Variants in ANKHD1 observed in about 807,000 individuals in gnomAD.
ANKHD1 encodes the protein ankyrin repeat and KH domain-containing protein 1.
A neutral mutation model predicts 230.5 loss-of-function variants in ANKHD1; 31 were observed. That is an observed-to-expected ratio of 0.13 (90% CI 0.10 to 0.18). The LOEUF (loss-of-function observed/expected upper bound fraction) is 0.18. Among genes scored for constraint, ANKHD1 ranks in the 10% least tolerant of loss-of-function variants. The pLI is 1.00. For missense variants in ANKHD1, 2,256 were observed against 3,071.3 expected (o/e 0.73, Z 6.27); for synonymous variants, 1,074 against 1,117.6 (o/e 0.96, Z 0.78).
intron 24 of ANKHD1, among the ~76,000 whole-genome samples, chr5:140,521,230 A>T (rs1471070315): frequency 2.6e-5 from 4 of 152,234 alleles, no homozygotes; most frequent in African/African-American, 9.6e-5. Context: ...GTTTAAAAAA[A>T]CTTCGTAAGC....
At chr5:140,434,880 A>G (rs1241105702) in intron 1 of ANKHD1, among the ~76,000 whole-genome samples, 2 of 152,154 alleles carry the variant, frequency 1.3e-5, no homozygotes. Flanking sequence ...GGCTTTCAGA[A>G]AATTTTTTAG....
At chr5:140,533,000 A>G in intron 29 of ANKHD1, 1 of 212,232 alleles carries the variant, frequency 4.7e-6, no homozygotes, top group Non-Finnish European at 9.9e-6. Flanking sequence ...CAGTAGGCTG[A>G]GGCAGGTGAA....
At position 140,485,549 on chromosome 5, in the gene ANKHD1, A is replaced by G; in HGVS notation, c.1999-40A>G. On this transcript the variant is annotated intron_variant, in intron 12 of 33. Coordinates refer to ENST00000360839, the MANE Select transcript of ANKHD1 (RefSeq NM_017747.3). This position sits in a 1 kb window ranked among gnomAD's most constrained non-coding sequence, Gnocchi z 4.8. ...TTTTGATTTTATATGAGCTGCTAAG[A>G]AACTATAAAGAATTAATTATCATGG... 1 of 1,608,898 alleles carries G rather than the reference A, an allele frequency of 6.2e-7. No individual in the cohort carries two copies. The highest frequency in any genetic ancestry group is 1.3e-5 in the African/African-American group (1 of 74,592).
At chr5:140,419,989 C>T (rs1363760079) in intron 1 of ANKHD1, among the ~76,000 whole-genome samples, 3 of 49,378 alleles carry the variant, frequency 6.1e-5, no homozygotes, top group East Asian at 7.9e-4. Flanking sequence ...TCCTCCCCTC[C>T]GCTCCTCCTC....
intron 1 of ANKHD1, among the ~76,000 whole-genome samples, chr5:140,416,322 C>T (rs1771388096): frequency 6.6e-6 from 1 of 152,176 alleles, no homozygotes; most frequent in Non-Finnish European, 1.5e-5. Context: ...ATGGCTGGGT[C>T]AAATGGTATT....
At chr5:140,495,245 CCTA>C (rs1422428555) in intron 14 of ANKHD1, among the ~76,000 whole-genome samples, 1 of 136,168 alleles carries the variant, frequency 7.3e-6, no homozygotes, top group East Asian at 2.1e-4. Context: ...GCTGAATAGT[CCTA>C]CTTTTTTTTT....
intron 14 of ANKHD1, among the ~76,000 whole-genome samples, chr5:140,488,384 A>G (rs10067969): frequency 0.4 from 61,332 of 151,808 alleles, 13,171 homozygotes; most frequent in East Asian, 0.55. Flanking sequence ...CAGGAGTTCA[A>G]GACCAGCCTG....
intron 7 of ANKHD1, among the ~76,000 whole-genome samples, chr5:140,453,589 C>T (rs1774921691): frequency 6.6e-6 from 1 of 152,174 alleles, no homozygotes; most frequent in Non-Finnish European, 1.5e-5. Context: ...ATTTTCAACC[C>T]AGAATTTCAT....
chr5:140,422,284 G>A (rs1438239224), intron 1 of ANKHD1, among the ~76,000 whole-genome samples: 7 of 151,724 alleles, frequency 4.6e-5, no homozygotes, highest in Non-Finnish European at 8.8e-5. Flanking sequence ...CACCACGCCC[G>A]GCTAATTTTT....
At chr5:140,505,064 C>A in intron 16 of ANKHD1, 58 bp from the exon 17 acceptor site, 1 of 1,604,244 alleles carries the variant, frequency 6.2e-7, no homozygotes, top group Non-Finnish European at 8.5e-7. Context: ...ATATTATTTG[C>A]TCTTAAATTG....
rs181239358 is a variant in ANKHD1, at chr5:140,432,059, A to G, written c.307-4045A>G. ...CTTTCTAGCCTAATGCCATAGTTGT[A>G]TTCTAGATACCTTATATCTTTTAAA... On this transcript the variant is annotated intron_variant, in intron 1 of 33. Coordinates refer to ENST00000360839, the MANE Select transcript of ANKHD1 (RefSeq NM_017747.3). 3.8e-3 allele frequency among the ~76,000 whole-genome samples: 579 copies of G among 152,294 alleles called. 2 individuals carry two copies. The highest frequency in any genetic ancestry group is 6.9e-3 in the Admixed American group (106 of 15,292).
intron 1 of ANKHD1, among the ~76,000 whole-genome samples, chr5:140,429,762 GAT>G (rs1772881541): frequency 1.3e-5 from 2 of 152,112 alleles, no homozygotes; most frequent in Admixed American, 6.5e-5. Flanking sequence ...TGTAATATGA[GAT>G]ATTATTATTT....
intron 29 of ANKHD1, among the ~76,000 whole-genome samples, chr5:140,531,971 G>T (rs1753845683): frequency 6.6e-6 from 1 of 152,156 alleles, no homozygotes; most frequent in Non-Finnish European, 1.5e-5. Context: ...CACTTTGGGA[G>T]GCCGAGGTGG....
intron 10 of ANKHD1, among the ~76,000 whole-genome samples, chr5:140,473,514 C>T (rs1729689653): frequency 6.6e-6 from 1 of 151,840 alleles, no homozygotes; most frequent in Admixed American, 6.6e-5. Context: ...GCTCTTGGCT[C>T]ACTGCAGCCT....
chr5:140,513,066 T>C (rs114080184), intron 23 of ANKHD1, 143 bp downstream of exon 23: 30 of 781,684 alleles, frequency 3.8e-5, no homozygotes, highest in African/African-American at 1.4e-4. Context: ...ATTTGCAAAA[T>C]AGAGGGGTAT....
intron 24 of ANKHD1, 143 bp downstream of exon 24, chr5:140,513,622 A>G: frequency 1.4e-6 from 1 of 690,806 alleles, no homozygotes; most frequent in African/African-American, 1.8e-5. Flanking sequence ...CAGCCTTGCT[A>G]ACAAGGTGAA....
At chr5:140,465,052 A>G (rs1270181512) in intron 10 of ANKHD1, 1 of 200,224 alleles carries the variant, frequency 5.0e-6, no homozygotes, top group African/African-American at 2.3e-5. Flanking sequence ...TTAAACTGCC[A>G]TCTGTTAGAT....
chr5:140,472,466 G>T, intron 10 of ANKHD1: 1 of 1,329,724 alleles, frequency 7.5e-7, no homozygotes, highest in Non-Finnish European at 9.6e-7. Flanking sequence ...AAAGAGATTT[G>T]TATTGCTGGT....
At chr5:140,526,478 C>G in intron 26 of ANKHD1, 35 bp downstream of exon 26, 1 of 1,560,714 alleles carries the variant, frequency 6.4e-7, no homozygotes, top group Non-Finnish European at 8.6e-7. Flanking sequence ...CTACCTGCAC[C>G]TTTCCTTCTT....
Sources: allele counts gnomAD v4.1 joint callset (sites outside exome capture counted in the v4.1 genomes callset), GRCh38; gene constraint gnomAD v4.1.1; non-coding constraint Gnocchi (gnomAD v3.1); transcripts MANE v1.5; gene names NCBI Gene and HGNC (gene_info 2026-07-23, HGNC 2026-07-21).